Variants in CDK14 observed in about 807,000 individuals in gnomAD.
The protein encoded by CDK14 is cyclin-dependent kinase 14.
CDK14 carries 34 observed loss-of-function variants against 60.7 expected under a neutral mutation model. That is an observed-to-expected ratio of 0.56 (90% CI 0.43 to 0.75). CDK14 has a LOEUF of 0.75. Ranked by LOEUF, CDK14 falls within the 30% of genes least tolerant of loss-of-function variation. CDK14 has a pLI of 0.00. For synonymous variants in CDK14, 197 were observed against 203.7 expected (o/e 0.97, Z 0.28); for missense variants, 482 against 564.1 (o/e 0.85, Z 1.47).
rs184618299 is a variant in CDK14 at position 90,886,879 on chromosome 7, C to T, written c.640-12412C>T. ...CCCATGCACAGCAAGAGATTAAGTA[C>T]ATTTTCTTTATCCATGGATTGAGCA... On this transcript the variant is annotated intron_variant, in intron 6 of 14. Coordinates refer to ENST00000380050, the MANE Select transcript of CDK14 (RefSeq NM_001287135.2). Among the ~76,000 whole-genome samples the T allele has an allele frequency of 2.6e-5, 4 of 152,166 alleles. No individual in the cohort carries two copies. The East Asian group carries it at 7.7e-4, about 29-fold the overall frequency.
Position 90,726,593 on chromosome 7 carries a change from G to T in CDK14, c.150G>T (p.Arg50=). 6.2e-7 allele frequency: 1 copy of T among 1,613,564 alleles called. No individual in the cohort carries two copies. The change falls in exon 3 of 15, where the codon CGG becomes CGT. Residue 50 remains arginine, a synonymous_variant. Coordinates refer to ENST00000380050, the MANE Select transcript of CDK14 (RefSeq NM_001287135.2). ...DEICVTKMST[R]NCQGMDSVIK... ...TATGTGTCACAAAGATGTCTACACG[G>T]AACTGCCAGGGAATGGACTCAGTGA...
At chr7:90,661,516 A>G (rs903771950) in intron 2 of CDK14, among the ~76,000 whole-genome samples, 3 of 152,180 alleles carry the variant, frequency 2.0e-5, no homozygotes, top group African/African-American at 7.2e-5. Context: ...GTGACTGGGT[A>G]TGGTCTTTAA....
intron 12 of CDK14, among the ~76,000 whole-genome samples, chr7:91,103,136 C>G (rs913777856): frequency 1.3e-5 from 2 of 151,982 alleles, no homozygotes; most frequent in African/African-American, 4.8e-5. Flanking sequence ...ACCTGTAATC[C>G]CAGCTACCCA....
At chr7:90,783,673 A>G (rs1805443960) in intron 4 of CDK14, among the ~76,000 whole-genome samples, 3 of 152,214 alleles carry the variant, frequency 2.0e-5, no homozygotes, top group Admixed American at 2.0e-4. Flanking sequence ...GGTGTATGAA[A>G]AAATGCTCAA....
intron 8 of CDK14, among the ~76,000 whole-genome samples, chr7:90,948,071 T>G (rs904609868): frequency 1.3e-5 from 2 of 152,192 alleles, no homozygotes; most frequent in Non-Finnish European, 2.9e-5. Flanking sequence ...AAGTTCTGAA[T>G]ATTATGCCTT....
chr7:90,898,287 C>T (rs1792398362), intron 6 of CDK14, among the ~76,000 whole-genome samples: 1 of 152,030 alleles, frequency 6.6e-6, no homozygotes. Flanking sequence ...AACATATGGG[C>T]TCAAAAATTA....
chr7:90,809,632 C>T (rs1353162470), intron 5 of CDK14, among the ~76,000 whole-genome samples: 1 of 152,228 alleles, frequency 6.6e-6, no homozygotes, highest in Middle Eastern at 3.4e-3. Context: ...CAGAGCAGAA[C>T]TCAAGGAAAT....
intron 5 of CDK14, among the ~76,000 whole-genome samples, chr7:90,831,234 C>CAGCA (rs1789900867): frequency 6.6e-6 from 1 of 152,160 alleles, no homozygotes; most frequent in African/African-American, 2.4e-5. Flanking sequence ...ACTCACAGTT[C>CAGCA]AGCAAGGGTG....
intron 7 of CDK14, among the ~76,000 whole-genome samples, chr7:90,911,468 C>G (rs1792898696): frequency 6.6e-6 from 1 of 152,078 alleles, no homozygotes; most frequent in Non-Finnish European, 1.5e-5. Flanking sequence ...GCTAATGACT[C>G]CTATTAGTAG....
intron 4 of CDK14, among the ~76,000 whole-genome samples, chr7:90,768,669 A>G (rs1413756011): frequency 6.6e-6 from 1 of 152,196 alleles, no homozygotes; most frequent in Non-Finnish European, 1.5e-5. Context: ...GGTGATTTTT[A>G]TAGTATACCG....
intron 14 of CDK14, among the ~76,000 whole-genome samples, chr7:91,149,350 T>C (rs1337038509): frequency 6.6e-6 from 1 of 151,930 alleles, no homozygotes; most frequent in Non-Finnish European, 1.5e-5. Context: ...CCTTTTTGAC[T>C]TTCCTTCTCT....
chr7:90,831,465 G>A (rs1338770418), intron 5 of CDK14, among the ~76,000 whole-genome samples: 1 of 152,188 alleles, frequency 6.6e-6, no homozygotes, highest in African/African-American at 2.4e-5. Context: ...GGAGATTACA[G>A]TTTGAGGTGA....
chr7:90,998,846 G>A (rs891140796), intron 10 of CDK14, among the ~76,000 whole-genome samples: 5 of 152,098 alleles, frequency 3.3e-5, no homozygotes, highest in Non-Finnish European at 5.9e-5. Flanking sequence ...CGGAGATCGC[G>A]CCACTGCACT....
intron 12 of CDK14, among the ~76,000 whole-genome samples, chr7:91,092,541 C>T (rs893549019): frequency 2.1e-4 from 32 of 152,202 alleles, no homozygotes; most frequent in Non-Finnish European, 4.0e-4. Flanking sequence ...AGATTGGTAG[C>T]CTTTCCGTTG....
intron 3 of CDK14, among the ~76,000 whole-genome samples, chr7:90,744,711 C>A (rs376074543): frequency 5.1e-5 from 5 of 98,734 alleles, no homozygotes; most frequent in Non-Finnish European, 6.7e-5. Flanking sequence ...CCAGTAGGGG[C>A]GGCCGGGCAG....
intron 2 of CDK14, among the ~76,000 whole-genome samples, chr7:90,606,730 T>G (rs1799426116): frequency 6.6e-6 from 1 of 152,210 alleles, no homozygotes; most frequent in African/African-American, 2.4e-5. Context: ...CTGAGTGTGT[T>G]GCTCGTAGTT....
intron 4 of CDK14, among the ~76,000 whole-genome samples, chr7:90,786,271 T>C (rs1805576490): frequency 6.6e-6 from 1 of 152,218 alleles, no homozygotes; most frequent in Non-Finnish European, 1.5e-5. Flanking sequence ...AGAGCCCTTT[T>C]TATTTACCTG....
chr7:91,018,739 T>C (rs929759902), intron 10 of CDK14, among the ~76,000 whole-genome samples: 35 of 152,318 alleles, frequency 2.3e-4, no homozygotes, highest in Admixed American at 2.0e-3. Flanking sequence ...CTCTTCCTCC[T>C]GCTCTAGTCA....
At chr7:91,092,279 C>A (rs1448359007) in intron 12 of CDK14, among the ~76,000 whole-genome samples, 3 of 152,158 alleles carry the variant, frequency 2.0e-5, no homozygotes, top group African/African-American at 4.8e-5. Context: ...ATTTTATGCT[C>A]ACCATCAAAC....
Sources: allele counts gnomAD v4.1 joint callset (sites outside exome capture counted in the v4.1 genomes callset), GRCh38; gene constraint gnomAD v4.1.1; transcripts MANE v1.5; gene names NCBI Gene and HGNC (gene_info 2026-07-23, HGNC 2026-07-21).